The following STK39 variants were observed in gnomAD, a reference collection of about 807,000 sequenced individuals.
STK39 encodes the protein STE20/SPS1-related proline-alanine-rich protein kinase.
Under a neutral mutation model 77.8 loss-of-function variants are expected in STK39, and 20 were observed. That is an observed-to-expected ratio of 0.26 (90% CI 0.18 to 0.37). The LOEUF (loss-of-function observed/expected upper bound fraction) is 0.37. Ranked by LOEUF, STK39 falls within the 10% of genes least tolerant of loss-of-function variation. The probability of loss-of-function intolerance (pLI) is 1.00; values close to 1 mark genes in which losing one functional copy is unlikely to be tolerated. For synonymous variants in STK39, 246 were observed against 234.1 expected (o/e 1.05, Z -0.47); for missense variants, 479 against 656.5 (o/e 0.73, Z 2.95).
intron 16 of STK39, among the ~76,000 whole-genome samples, chr2:167,980,556 G>A (rs1485191109): frequency 1.3e-5 from 2 of 152,212 alleles, no homozygotes; most frequent in African/African-American, 4.8e-5. Context: ...GCCGACTGAG[G>A]CAGAGCCATC....
chr2:167,991,109 T>C (rs557379599), intron 16 of STK39, among the ~76,000 whole-genome samples: 14 of 152,302 alleles, frequency 9.2e-5, no homozygotes, highest in African/African-American at 2.9e-4. Context: ...ACAAACACTT[T>C]TCAAAGCTTG....
At chr2:168,183,384 C>T (rs953001852) in intron 1 of STK39, among the ~76,000 whole-genome samples, 4 of 152,128 alleles carry the variant, frequency 2.6e-5, no homozygotes, top group Non-Finnish European at 1.5e-5. Context: ...CCTTATGAGC[C>T]TGTACATTTT....
At chr2:168,177,999 C>T (rs556754459) in intron 2 of STK39, among the ~76,000 whole-genome samples, 227 of 152,328 alleles carry the variant, frequency 1.5e-3, no homozygotes, top group Middle Eastern at 3.4e-3. Context: ...ATTCACTAGT[C>T]CATGGTCTCC....
intron 2 of STK39, among the ~76,000 whole-genome samples, chr2:168,173,716 T>C (rs1209765241): frequency 3.9e-5 from 6 of 152,044 alleles, no homozygotes; most frequent in Admixed American, 3.3e-4. Flanking sequence ...TGCCACCTAA[T>C]TTTTGTAGTT....
chr2:168,065,255 G>A, intron 13 of STK39, 64 bp downstream of exon 13: 1 of 1,537,926 alleles, frequency 6.5e-7, no homozygotes, highest in Non-Finnish European at 9.0e-7. Context: ...TTTCTAAAAT[G>A]TTGGTTTTTT....
intron 1 of STK39, among the ~76,000 whole-genome samples, chr2:168,210,639 C>A (rs1689866425): frequency 6.6e-6 from 1 of 152,172 alleles, no homozygotes; most frequent in Non-Finnish European, 1.5e-5. Context: ...CCTGCCTCAG[C>A]CTCCCTAGGA....
chr2:167,961,950 T>A (rs1317079921), intron 17 of STK39, among the ~76,000 whole-genome samples: 2 of 152,216 alleles, frequency 1.3e-5, no homozygotes, highest in African/African-American at 4.8e-5. Context: ...GACTCACCCC[T>A]GGTCTAGACT....
intron 1 of STK39, among the ~76,000 whole-genome samples, chr2:168,227,120 C>T (rs983391522): frequency 6.6e-6 from 1 of 152,120 alleles, no homozygotes; most frequent in Non-Finnish European, 1.5e-5. Context: ...GTAAAATTTA[C>T]AGATTGCAGA....
At chr2:167,975,246 T>C (rs972454638) in intron 16 of STK39, among the ~76,000 whole-genome samples, 1 of 152,162 alleles carries the variant, frequency 6.6e-6, no homozygotes, top group African/African-American at 2.4e-5. Context: ...TGGTATCATA[T>C]CCTAGGCAAA....
chr2:168,138,499 C>T (rs1380919218), intron 7 of STK39, among the ~76,000 whole-genome samples: 6 of 152,134 alleles, frequency 3.9e-5, no homozygotes, highest in African/African-American at 2.4e-5. Context: ...GGAACTGGCT[C>T]GTGTACTGCC....
intron 10 of STK39, among the ~76,000 whole-genome samples, chr2:168,119,639 G>A (rs1021268409): frequency 3.9e-5 from 6 of 152,162 alleles, no homozygotes; most frequent in Admixed American, 2.0e-4. Context: ...TGAGGCCTTC[G>A]ACAAAGCCAA....
intron 3 of STK39, among the ~76,000 whole-genome samples, chr2:168,165,157 G>A (rs1264032108): frequency 6.6e-6 from 1 of 152,018 alleles, no homozygotes; most frequent in African/African-American, 2.4e-5. Flanking sequence ...TATTGTATAA[G>A]GATATACCAT....
intron 14 of STK39, among the ~76,000 whole-genome samples, chr2:168,021,415 T>G (rs908554634): frequency 2.6e-5 from 4 of 152,158 alleles, no homozygotes; most frequent in African/African-American, 9.7e-5. Flanking sequence ...AGATGAAATA[T>G]AGTTGGAAAA....
chr2:168,224,141 G>A (rs987821830), intron 1 of STK39, among the ~76,000 whole-genome samples: 1 of 151,702 alleles, frequency 6.6e-6, no homozygotes, highest in Non-Finnish European at 1.5e-5. Flanking sequence ...TATAAGGGGA[G>A]AAAGAAAAGA....
intron 14 of STK39, among the ~76,000 whole-genome samples, chr2:168,053,263 T>C (rs1276080391): frequency 1.3e-5 from 2 of 152,208 alleles, no homozygotes. Flanking sequence ...AAAAGGATTC[T>C]ATAGATTTGT....
intron 14 of STK39, among the ~76,000 whole-genome samples, chr2:168,024,340 G>A (rs1183097875): frequency 6.6e-6 from 1 of 152,138 alleles, no homozygotes; most frequent in Non-Finnish European, 1.5e-5. Context: ...TGTGAGAGGG[G>A]GAAATAATAA....
chr2:167,956,857 C>T (rs1031818200), intron 17 of STK39, among the ~76,000 whole-genome samples: 3 of 151,674 alleles, frequency 2.0e-5, no homozygotes, highest in African/African-American at 7.3e-5. Context: ...TGGGAATGGG[C>T]AATTAATTAC....
At chr2:168,017,003 T>C in intron 15 of STK39, 40 bp downstream of exon 15, 1 of 1,502,946 alleles carries the variant, frequency 6.7e-7, no homozygotes, top group Non-Finnish European at 9.1e-7. Flanking sequence ...TCTGCAATGC[T>C]CTTTGAGGCA....
chr2:167,967,624 C>T (rs935381), intron 16 of STK39, among the ~76,000 whole-genome samples: 65,574 of 151,754 alleles, frequency 0.43, 15,231 homozygotes, highest in East Asian at 0.64. Flanking sequence ...CGCTGATGCT[C>T]AGTACTTCCC....
Sources: allele counts gnomAD v4.1 joint callset (sites outside exome capture counted in the v4.1 genomes callset), GRCh38; gene constraint gnomAD v4.1.1; transcripts MANE v1.5; gene names NCBI Gene and HGNC (gene_info 2026-07-23, HGNC 2026-07-21).